The following BPIFB6 variants were observed in gnomAD, a reference collection of about 807,000 sequenced individuals.
BPIFB6 encodes the protein BPI fold containing family B member 6, also known as BPI fold-containing family B member 6.
In BPIFB6, 47 loss-of-function variants were observed where a neutral mutation model predicts 54.7. The observed-to-expected ratio is 0.86, with a 90% CI of 0.68 to 1.10. BPIFB6 has a LOEUF of 1.10. BPIFB6 is among the 50% of genes least tolerant of loss of function. The probability of loss-of-function intolerance (pLI) is 0.00; values close to 1 mark genes in which losing one functional copy is unlikely to be tolerated. For synonymous variants in BPIFB6, 255 were observed against 225.9 expected, an observed-to-expected ratio of 1.13 and a Z score of -1.16; for missense variants, 603 against 564.1, an observed-to-expected ratio of 1.07 and a Z score of -0.70.
chr20:33,039,691 A>C lies in BPIFB6; in HGVS notation c.1074+171A>C, dbSNP rs191277611. ...ACCTTTGAATGGCTGGAAAGCCCAG[A>C]AAATGGAGGGTCAGTGGCTTAGTCC... On this transcript the variant is annotated intron_variant, in intron 10 of 14. Transcript: ENST00000349552. Among the ~76,000 whole-genome samples, 38 of 152,362 alleles carry C rather than the reference A, an allele frequency of 2.5e-4. 1 individual carries two copies. In the East Asian group the frequency reaches 6.6e-3, roughly 26 times the overall value.
chr20:33,040,626 C>G (rs1415547125), intron 11 of BPIFB6, among the ~76,000 whole-genome samples: 1 of 152,226 alleles, frequency 6.6e-6, no homozygotes, highest in Non-Finnish European at 1.5e-5. Context: ...AAGCCTTTAC[C>G]CATGCCATTC....
intron 3 of BPIFB6, 121 bp from the exon 4 acceptor site, chr20:33,034,642 T>G: frequency 1.7e-6 from 2 of 1,143,060 alleles, no homozygotes; most frequent in South Asian, 3.0e-5. Context: ...TTTTCTGTCT[T>G]GTAGGGGTGG....
chr20:33,033,480 C>T lies in BPIFB6; in HGVS notation c.197+397C>T, dbSNP rs1168431826. 3 of 454,066 alleles carry T rather than the reference C, an allele frequency of 6.6e-6. No homozygotes were observed. The Admixed American group carries it at 7.1e-5, about 11-fold the overall frequency. The allele number at this position is 454,066 out of a possible 1,614,324, so 28.1% of individuals were successfully genotyped here. ...GAAACTGGTTCCTCTGCCAGTGCCA[C>T]ATGAGATTGATCAGTAGGGGCTGCC... On this transcript the variant is annotated intron_variant, in intron 2 of 14. Coordinates refer to ENST00000349552, the MANE Select transcript of BPIFB6 (RefSeq NM_174897.2).
chr20:33,033,236 A>G, intron 2 of BPIFB6, 153 bp downstream of exon 2: 1 of 704,482 alleles, frequency 1.4e-6, no homozygotes, highest in Non-Finnish European at 2.6e-6. Context: ...GGCCTTGGGT[A>G]GGTCACTGCT....
intron 2 of BPIFB6, among the ~76,000 whole-genome samples, chr20:33,033,875 T>C (rs1327031022): frequency 6.6e-6 from 1 of 152,126 alleles, no homozygotes; most frequent in Admixed American, 6.6e-5. Context: ...GAAACCCTGA[T>C]CTAAGCAAGC....
chr20:33,035,833 G>T (rs980317672), intron 6 of BPIFB6, among the ~76,000 whole-genome samples, 161 bp downstream of exon 6: 2 of 152,168 alleles, frequency 1.3e-5, no homozygotes, highest in Admixed American at 6.5e-5. Context: ...CCGATGGGAG[G>T]CCTGAAGTCC....
At chr20:33,032,690 G>A (rs753240635) in intron 1 of BPIFB6, among the ~76,000 whole-genome samples, 10 of 152,134 alleles carry the variant, frequency 6.6e-5, no homozygotes, top group Non-Finnish European at 1.0e-4. Flanking sequence ...TTATCCCTTT[G>A]CTTCCTGCTG....
intron 6 of BPIFB6, among the ~76,000 whole-genome samples, 154 bp downstream of exon 6, chr20:33,035,826 A>G (rs971266349): frequency 2.0e-5 from 3 of 152,106 alleles, no homozygotes; most frequent in Non-Finnish European, 4.4e-5. Flanking sequence ...CACTGTCCCG[A>G]TGGGAGGCCT....
Position 33,033,102 on chromosome 20 carries a change from C to G in BPIFB6, c.197+19C>G. ...TCACCAAGTGAGTAGGGGAGGGGAG[C>G]TGGAGGGTGGTGGTTAGGGCAGAGG... is the stretch of plus-strand genomic sequence containing the variant. On this transcript the variant is annotated intron_variant, in intron 2 of 14. Transcript: ENST00000349552. The G allele has an allele frequency of 6.3e-7, 1 of 1,588,328 alleles. No homozygotes were observed. The highest frequency in any genetic ancestry group is 8.6e-7 in the Non-Finnish European group (1 of 1,156,812).
At chr20:33,042,758 C>T in intron 12 of BPIFB6, 57 bp from the exon 13 acceptor site, 1 of 1,506,990 alleles carries the variant, frequency 6.6e-7, no homozygotes, top group Non-Finnish European at 9.2e-7. Context: ...CTGAAAAGAT[C>T]TGTTGAATGG....
At chr20:33,037,008 C>T (rs2146365600) in intron 7 of BPIFB6, among the ~76,000 whole-genome samples, 4 of 152,292 alleles carry the variant, frequency 2.6e-5, no homozygotes, top group Middle Eastern at 6.8e-3. Context: ...CAGTTGTATC[C>T]TGCCATTTTG....
chr20:33,032,673 A>T (rs1434193759), intron 1 of BPIFB6, among the ~76,000 whole-genome samples: 1 of 152,106 alleles, frequency 6.6e-6, no homozygotes, highest in African/African-American at 2.4e-5. Context: ...GTCCAGACTG[A>T]TATCTTTTAT....
chr20:33,035,883 A>G (rs1979318969), intron 6 of BPIFB6, among the ~76,000 whole-genome samples: 1 of 152,052 alleles, frequency 6.6e-6, no homozygotes, highest in Admixed American at 6.6e-5. Context: ...CTCCCTATTC[A>G]ATACTGCATC....
At position 33,037,559 on chromosome 20, in the gene BPIFB6, T is replaced by G; in HGVS notation, c.670-3T>G. The G allele has an allele frequency of 6.2e-7, 1 of 1,607,786 alleles. No homozygotes were observed. Among genetic ancestry groups the G allele is most frequent in the Non-Finnish European group, 8.5e-7 (1 of 1,175,736 alleles). On this transcript the variant is annotated splice_region_variant and splice_polypyrimidine_tract_variant and intron_variant, in intron 7 of 14. Coordinates refer to ENST00000349552, the MANE Select transcript of BPIFB6 (RefSeq NM_174897.2). ...TGAGTGTCTCCCTCCTGCTGCCCCA[T>G]AGCCTGTGGTGCAGCAGCAAAAGGG... is the stretch of plus-strand genomic sequence containing the variant.
chr20:33,043,057 A>G (rs1979658306), intron 13 of BPIFB6, among the ~76,000 whole-genome samples, 179 bp downstream of exon 13: 1 of 152,236 alleles, frequency 6.6e-6, no homozygotes, highest in Non-Finnish European at 1.5e-5. Context: ...CTGTCTGAAG[A>G]CAAATGCCTC....
intron 9 of BPIFB6, 138 bp from the exon 10 acceptor site, chr20:33,039,209 A>G (rs1196998428): frequency 1.0e-6 from 1 of 986,888 alleles, no homozygotes; most frequent in East Asian, 2.4e-5. Context: ...TTATTTCCTG[A>G]TAGACACATC....
chr20:33,044,042 G>T lies in BPIFB6; in HGVS notation c.1357G>T (p.Gly453Cys). The T allele has an allele frequency of 6.2e-7, 1 of 1,614,138 alleles. No homozygotes were observed. Among genetic ancestry groups the T allele is most frequent in the Non-Finnish European group, 8.5e-7 (1 of 1,180,030 alleles). Residue 453 changes from glycine (G) to cysteine (C), a missense_variant, in exon 15 of 15, where the codon GGC becomes TGC. Physicochemically the swap from Gly to Cys is radical, Grantham distance 159 (BLOSUM62 -3). Transcript: ENST00000349552. ...ENALMLDLKL[G>C] ...TGCCCTGATGCTGGACTTGAAGCTG[G>T]GCTGACCATGGCAGGACTCCCCTGC... is the stretch of plus-strand genomic sequence containing the variant.
At chr20:33,044,102 A>C, downstream of BPIFB6, 1 of 1,606,326 alleles carries the variant, frequency 6.2e-7, no homozygotes, top group Non-Finnish European at 8.5e-7. Flanking sequence ...CCTGCACCCC[A>C]TGGAGGAGAC....
At chr20:33,037,774 G>C in intron 8 of BPIFB6, 36 bp downstream of exon 8, 2 of 1,605,638 alleles carry the variant, frequency 1.2e-6, no homozygotes, top group Non-Finnish European at 8.5e-7. Context: ...ATCTGCCTCT[G>C]TCCATTACAA....
Sources: allele counts gnomAD v4.1 joint callset (sites outside exome capture counted in the v4.1 genomes callset), GRCh38; gene constraint gnomAD v4.1.1; transcripts MANE v1.5; gene names NCBI Gene and HGNC (gene_info 2026-07-23, HGNC 2026-07-21).